The following CPM variants were observed in gnomAD, a reference collection of about 807,000 sequenced individuals.
The protein encoded by CPM is carboxypeptidase M, also known as renal carboxypeptidase.
Under a neutral mutation model 46.4 loss-of-function variants are expected in CPM, and 35 were observed. The observed-to-expected ratio is 0.75, with a 90% CI of 0.58 to 1.00. The LOEUF is 1.00. CPM is among the 50% of genes least tolerant of loss of function. The pLI is 0.00. For synonymous variants in CPM, 195 were observed against 195.3 expected, an observed-to-expected ratio of 1.00 and a Z score of 0.01; for missense variants, 422 against 530.4, an observed-to-expected ratio of 0.80 and a Z score of 2.01.
At chr12:68,932,211 G>C (rs1319006888) in intron 2 of CPM, among the ~76,000 whole-genome samples, 1 of 152,046 alleles carries the variant, frequency 6.6e-6, no homozygotes, top group East Asian at 1.9e-4. Context: ...TTAAATAAAA[G>C]GCTAACTACA....
chr12:68,960,377 C>T (rs184076060), intron 1 of CPM, among the ~76,000 whole-genome samples: 54 of 152,202 alleles, frequency 3.5e-4, no homozygotes, highest in East Asian at 2.7e-3. Context: ...AAATTATATC[C>T]GTCTTTGTGG....
intron 1 of CPM, among the ~76,000 whole-genome samples, chr12:68,947,558 T>C (rs186295703): frequency 0.16 from 24,881 of 151,428 alleles, 2,132 homozygotes; most frequent in Middle Eastern, 0.2. Flanking sequence ...GATCGCGCCA[T>C]TGCACTCCAG....
At chr12:68,953,127 G>A (rs1193093486) in intron 1 of CPM, among the ~76,000 whole-genome samples, 3 of 152,188 alleles carry the variant, frequency 2.0e-5, no homozygotes, top group Admixed American at 6.5e-5. Context: ...GAGCCAGCAC[G>A]GGACATTCAT....
chr12:68,916,957 T>C (rs547202151), intron 2 of CPM, among the ~76,000 whole-genome samples: 1 of 150,274 alleles, frequency 6.7e-6, no homozygotes, highest in African/African-American at 2.5e-5. Flanking sequence ...ACTGTAAAAT[T>C]ATCAGAAATT....
At position 68,953,025 on chromosome 12, in the gene CPM, C is replaced by A. The variant is rs1219676163; in HGVS notation, c.-4+10144G>T. Reference sequence around the variant, plus strand: ...ATCCAAAATTTACAGGTGACCTAACCAAAATCACTGTTTCCCAAGAAGGTA... The same window carrying A: ...ATCCAAAATTTACAGGTGACCTAACAAAAATCACTGTTTCCCAAGAAGGTA... On this transcript the variant is annotated intron_variant, in intron 1 of 8. Transcript: ENST00000546373. 2.0e-5 allele frequency among the ~76,000 whole-genome samples: 3 copies of A among 152,262 alleles called. No individual in the cohort carries two copies. The East Asian group carries it at 5.8e-4, about 29-fold the overall frequency.
At chr12:68,870,502 G>GT in intron 4 of CPM, 103 bp from the exon 5 acceptor site, 1 of 965,116 alleles carries the variant, frequency 1.0e-6, no homozygotes, top group South Asian at 1.6e-5. Context: ...CTTTCCAAAC[G>GT]TGAGTATGGG....
At chr12:68,914,306 T>C (rs898773800) in intron 2 of CPM, among the ~76,000 whole-genome samples, 2 of 151,938 alleles carry the variant, frequency 1.3e-5, no homozygotes, top group African/African-American at 2.4e-5. Flanking sequence ...AAAGTCTGTA[T>C]ACTTAAAAAA....
At position 68,861,932 on chromosome 12, in the gene CPM, A is replaced by G. The variant is rs1441909508; in HGVS notation, c.941-2861T>C. ...CACCAAAAAAAAAAAAAAAAAAAAAAAAAAGTCATGGTACCCTTTAAAAAA... is the reference window on the plus strand; with the variant it reads ...CACCAAAAAAAAAAAAAAAAAAAAAGAAAAGTCATGGTACCCTTTAAAAAA... On this transcript the variant is annotated intron_variant, in intron 7 of 8. Coordinates refer to ENST00000551568, the MANE Select transcript of CPM (RefSeq NM_198320.5). Among the ~76,000 whole-genome samples the G allele has an allele frequency of 6.4e-3, 973 of 151,182 alleles. 13 individuals are homozygous for G. Among genetic ancestry groups the G allele is most frequent in the Non-Finnish European group, 0.011 (760 of 67,710 alleles).
intron 1 of CPM, among the ~76,000 whole-genome samples, chr12:68,956,734 T>C (rs73148630): frequency 0.17 from 25,215 of 152,234 alleles, 2,198 homozygotes; most frequent in Middle Eastern, 0.2. Flanking sequence ...CTTCCGTGTT[T>C]TTTCAGAGCA....
chr12:68,918,409 A>T (rs2136302489), intron 2 of CPM, among the ~76,000 whole-genome samples: 1 of 152,270 alleles, frequency 6.6e-6, no homozygotes, highest in Non-Finnish European at 1.5e-5. Context: ...AACCGTCTCC[A>T]CTGGATACCT....
upstream of CPM, among the ~76,000 whole-genome samples, chr12:68,934,864 C>T (rs1195739): frequency 0.52 from 79,325 of 151,916 alleles, 21,481 homozygotes; most frequent in South Asian, 0.63. Flanking sequence ...ATTCGTAACT[C>T]TTTAAAGGGA....
chr12:68,906,283 G>A (rs1887343925), intron 2 of CPM, among the ~76,000 whole-genome samples: 1 of 152,016 alleles, frequency 6.6e-6, no homozygotes, highest in Non-Finnish European at 1.5e-5. Context: ...CAAACTCCTG[G>A]GCCCCATCCA....
rs142484085 is a variant in CPM at position 68,962,917 on chromosome 12, G to A, written c.-4+252C>T. Among the ~76,000 whole-genome samples the A allele has an allele frequency of 3.3e-5, 5 of 152,254 alleles. No individual in the cohort carries two copies. In the East Asian group the frequency reaches 9.6e-4, roughly 29 times the overall value. On this transcript the variant is annotated intron_variant, in intron 1 of 8. Transcript: ENST00000546373. ...GACCTGGAAGTCCCCACTTTGAGTG[G>A]TCCCACCTTTCTGGACCAAACCAAT...
chr12:68,858,644 C>T (rs1168086857), intron 8 of CPM, among the ~76,000 whole-genome samples: 3 of 151,764 alleles, frequency 2.0e-5, no homozygotes. Flanking sequence ...AATCGGGTTA[C>T]ATTTTAATCA....
chr12:68,892,599 C>T (rs953470430), intron 2 of CPM, among the ~76,000 whole-genome samples: 2 of 152,142 alleles, frequency 1.3e-5, no homozygotes, highest in Non-Finnish European at 2.9e-5. Context: ...GTGGCTCACA[C>T]CTGTAATCCC....
In CPM at chr12:68,940,241, AT is replaced by A. The variant is rs369535303; in HGVS notation, c.-3-7402del. On this transcript the variant is annotated intron_variant, in intron 1 of 8. Coordinates refer to the CPM transcript ENST00000546373. ...CCTACCCACATACACAGTTTCCCTT[AT>A]TATTAACATCTTGGCGTTAGCGTGT... 4.3e-4 allele frequency among the ~76,000 whole-genome samples: 66 copies of A among 152,076 alleles called. 1 individual carries two copies. Among genetic ancestry groups the A allele is most frequent in the African/African-American group, 1.4e-3 (60 of 41,482 alleles).
At chr12:68,922,284 T>C (rs75613362) in intron 2 of CPM, among the ~76,000 whole-genome samples, 3,455 of 152,332 alleles carry the variant, frequency 0.023, 153 homozygotes, top group African/African-American at 0.078. Context: ...TGTGCGTGTG[T>C]ATTATGTGGG....
intron 7 of CPM, among the ~76,000 whole-genome samples, chr12:68,861,891 A>G (rs963476534): frequency 3.2e-5 from 4 of 124,638 alleles, no homozygotes; most frequent in Non-Finnish European, 6.4e-5. Flanking sequence ...ACTAGTAATG[A>G]GTAGTTGGCA....
chr12:68,843,665 G>A (rs879762061), intron 5 of CPM: 10 of 224,370 alleles, frequency 4.5e-5, no homozygotes, highest in Non-Finnish European at 8.0e-5. Context: ...ATTCTGCACA[G>A]CAACTTTACT....
Sources: allele counts gnomAD v4.1 joint callset (sites outside exome capture counted in the v4.1 genomes callset), GRCh38; gene constraint gnomAD v4.1.1; transcripts MANE v1.5; gene names NCBI Gene and HGNC (gene_info 2026-07-23, HGNC 2026-07-21).